Variants in CELF2 observed in about 807,000 individuals in gnomAD.
CELF2 encodes CUG triplet repeat RNA-binding protein 2.
CELF2 carries 8 observed loss-of-function variants against 62.6 expected under a neutral mutation model. That is an observed-to-expected ratio of 0.13 (90% CI 0.07 to 0.23). The LOEUF (loss-of-function observed/expected upper bound fraction) is 0.23, where lower values mean the gene tolerates loss of function less well. Ranked by LOEUF, CELF2 falls within the 10% of genes least tolerant of loss-of-function variation. The probability of loss-of-function intolerance (pLI) is 1.00; values close to 1 mark genes in which losing one functional copy is unlikely to be tolerated. For synonymous variants in CELF2, 258 were observed against 250.0 expected (o/e 1.03, Z -0.30); for missense variants, 333 against 671.0 (o/e 0.50, Z 5.56).
the CELF2 span, among the ~76,000 whole-genome samples, chr10:10,541,615 GT>G: frequency 6.6e-6 from 1 of 152,214 alleles, no homozygotes. Context: ...ACTTTCTAAT[GT>G]TGCCATGGTG....
At chr10:10,750,953 C>T in the CELF2 span, among the ~76,000 whole-genome samples, 4 of 152,182 alleles carry the variant, frequency 2.6e-5, no homozygotes, top group Admixed American at 6.5e-5. Context: ...AATCCAAATC[C>T]CTTTGTTAAA....
the CELF2 span, among the ~76,000 whole-genome samples, chr10:10,554,296 C>T: frequency 6.6e-6 from 1 of 152,162 alleles, no homozygotes; most frequent in Non-Finnish European, 1.5e-5. Flanking sequence ...TCACCCTTCA[C>T]CTGAGCCACC....
chr10:11,122,740 AT>A (rs2131526990), intron 1 of CELF2, among the ~76,000 whole-genome samples: 1 of 152,386 alleles, frequency 6.6e-6, no homozygotes, highest in Non-Finnish European at 1.5e-5. Flanking sequence ...ATTGATGCAT[AT>A]CAAGTATTTA....
In CELF2 at chr10:11,217,581, A is replaced by G; in HGVS notation, c.354+74A>G. 3 of 1,155,226 alleles carry G rather than the reference A, an allele frequency of 2.6e-6. No individual in the cohort carries two copies. Among genetic ancestry groups the G allele is most frequent in the South Asian group, 1.3e-5 (1 of 75,734 alleles). The allele number at this position is 1,155,226 out of a possible 1,614,324, so 71.6% of individuals were successfully genotyped here. A position where few individuals can be genotyped will look rare whatever the true frequency, so the allele number is the denominator to read the frequency against. The stretch of plus-strand genomic sequence containing the variant: ...GTCCTTTCAACTGAAGGTTCTAGTT[A>G]TGGGCTCTTAGTGCCAAAAATGACT... On this transcript the variant is annotated intron_variant, in intron 3 of 12. Transcript: ENST00000633077. The surrounding 1 kb of genome is among the most constrained non-coding windows in gnomAD (Gnocchi z 5.6).
rs183874603 is a variant in CELF2, at chr10:10,954,284, C to T, written c.89+34285C>T. ...ATTTTGAGATGGAGCCTTGTTCTGT[C>T]GCCCAGGCTGGAGTGCAGTGGCATG... On this transcript the variant is annotated intron_variant, in intron 2 of 13. Coordinates refer to the CELF2 transcript ENST00000636488. Among the ~76,000 whole-genome samples, 325 of 150,584 alleles carry T rather than the reference C, an allele frequency of 2.2e-3. 3 individuals are homozygous for T. Among genetic ancestry groups the T allele is most frequent in the South Asian group, 0.014 (66 of 4,734 alleles).
At chr10:11,097,805 C>T (rs1251440371) in intron 1 of CELF2, among the ~76,000 whole-genome samples, 2 of 152,222 alleles carry the variant, frequency 1.3e-5, no homozygotes, top group East Asian at 1.9e-4. Context: ...GATGGTGGAT[C>T]TCTCTGGTCA....
intron 2 of CELF2, among the ~76,000 whole-genome samples, chr10:11,180,418 A>C (rs1045132986): frequency 3.9e-5 from 6 of 152,180 alleles, no homozygotes; most frequent in Admixed American, 1.3e-4. Context: ...CAGGATGAAC[A>C]GGGCCGTTGA....
the CELF2 span, among the ~76,000 whole-genome samples, chr10:10,575,856 A>C: frequency 1.3e-5 from 2 of 152,328 alleles, no homozygotes; most frequent in African/African-American, 4.8e-5. Context: ...AAATTCAACA[A>C]CTGAAAAAAA....
chr10:10,975,359 C>T (rs898687646), intron 2 of CELF2, among the ~76,000 whole-genome samples: 2 of 152,156 alleles, frequency 1.3e-5, no homozygotes, highest in African/African-American at 4.8e-5. Context: ...CTAAAGTGAT[C>T]CTCCTGCCTC....
intron 3 of CELF2, among the ~76,000 whole-genome samples, chr10:11,240,093 T>C (rs1318144059): frequency 6.6e-6 from 1 of 152,174 alleles, no homozygotes; most frequent in Non-Finnish European, 1.5e-5. Context: ...AATCGTGATA[T>C]GTAAAAGAAC....
chr10:10,892,930 C>T (rs906269688), intron 1 of CELF2, among the ~76,000 whole-genome samples: 8 of 152,154 alleles, frequency 5.3e-5, no homozygotes, highest in East Asian at 3.8e-4. Context: ...GTAGAGGTGA[C>T]GGGACCTGAA....
chr10:10,625,744 C>T, the CELF2 span, among the ~76,000 whole-genome samples: 1 of 152,190 alleles, frequency 6.6e-6, no homozygotes, highest in Non-Finnish European at 1.5e-5. Flanking sequence ...TCTTATCCAT[C>T]CCTCATTGAA....
At chr10:11,068,349 A>G (rs2068717359) in intron 1 of CELF2, among the ~76,000 whole-genome samples, 1 of 152,204 alleles carries the variant, frequency 6.6e-6, no homozygotes, top group South Asian at 2.1e-4. Context: ...GATCCAGAAA[A>G]TCTTCCCTGA....
At chr10:10,475,890 T>C in the CELF2 span, among the ~76,000 whole-genome samples, 1 of 152,136 alleles carries the variant, frequency 6.6e-6, no homozygotes, top group East Asian at 1.9e-4. Context: ...ACTCCACTTT[T>C]AAGCTGTTTA....
the CELF2 span, among the ~76,000 whole-genome samples, chr10:10,777,738 C>T: frequency 2.8e-4 from 43 of 152,282 alleles, no homozygotes; most frequent in African/African-American, 9.6e-4. Flanking sequence ...TACACTAGCC[C>T]CCTTTGCCTT....
At chr10:11,036,028 G>A (rs542500948) in intron 1 of CELF2, among the ~76,000 whole-genome samples, 2 of 152,322 alleles carry the variant, frequency 1.3e-5, no homozygotes, top group East Asian at 3.9e-4. Flanking sequence ...ACTGATGTGA[G>A]AGGTAGTTGT....
At chr10:10,499,815 T>C in the CELF2 span, among the ~76,000 whole-genome samples, 5 of 152,036 alleles carry the variant, frequency 3.3e-5, no homozygotes, top group South Asian at 2.1e-4. Context: ...GAGATGGAGG[T>C]TGCAGTGAGC....
At chr10:11,312,271 A>G (rs1483050108) in intron 9 of CELF2, among the ~76,000 whole-genome samples, 1 of 152,262 alleles carries the variant, frequency 6.6e-6, no homozygotes, top group Non-Finnish European at 1.5e-5. Flanking sequence ...ATAAAGCTGT[A>G]TTGGATATAA....
the CELF2 span, among the ~76,000 whole-genome samples, chr10:10,759,296 C>CTTTTTT: frequency 7.7e-4 from 93 of 120,834 alleles, 1 homozygote; most frequent in East Asian, 1.1e-3. Flanking sequence ...GCCCATTTTT[C>CTTTTTT]TTTTTTTTTT....
Sources: gnomAD v4.1 joint callset for allele counts (sites outside exome capture counted in the v4.1 genomes callset) on GRCh38, gnomAD v4.1.1 for gene constraint, Gnocchi (gnomAD v3.1) non-coding constraint, MANE v1.5 for transcripts, NCBI Gene and HGNC (gene_info 2026-07-23, HGNC 2026-07-21) for gene names.